Variants in RFX8 observed in about 807,000 individuals in gnomAD.
RFX8 encodes the protein DNA-binding protein RFX8.
Under a neutral mutation model 54.6 loss-of-function variants are expected in RFX8, and 46 were observed. The observed-to-expected ratio is 0.84, with a 90% CI of 0.67 to 1.08. RFX8 has a LOEUF of 1.08. Among genes scored for constraint, RFX8 ranks in the 50% least tolerant of loss-of-function variants. The pLI is 0.00. For missense variants in RFX8, 536 were observed against 562.3 expected, an observed-to-expected ratio of 0.95 and a Z score of 0.47; for synonymous variants, 192 against 209.5, an observed-to-expected ratio of 0.92 and a Z score of 0.72.
In RFX8 at chr2:101,440,107, T is replaced by TA. The variant is rs112330593; in HGVS notation, c.73-17636_73-17635insT. On this transcript the variant is annotated intron_variant, in intron 2 of 11. Transcript: ENST00000428343. ...TCTACAAGAAAATCTTGCTGAGATTTTAAAAAAAAACTCATTGAGAGATAA... is the reference window on the plus strand; with the variant it reads ...TCTACAAGAAAATCTTGCTGAGATTTATAAAAAAAAACTCATTGAGAGATAA... Among the ~76,000 whole-genome samples, 271 of 150,180 alleles carry TA rather than the reference T, an allele frequency of 1.8e-3. 3 individuals carry two copies. Among genetic ancestry groups the TA allele is most frequent in the East Asian group, 0.013 (66 of 5,118 alleles).
chr2:101,430,653 A>T (rs1687433256), intron 2 of RFX8, among the ~76,000 whole-genome samples: 2 of 152,214 alleles, frequency 1.3e-5, no homozygotes, highest in African/African-American at 4.8e-5. Context: ...TCTGTTGCTT[A>T]AGCCACCCAG....
intron 2 of RFX8, among the ~76,000 whole-genome samples, chr2:101,433,116 G>T (rs1029962531): frequency 7.2e-5 from 11 of 152,174 alleles, no homozygotes; most frequent in African/African-American, 2.7e-4. Flanking sequence ...CAGTGGAACC[G>T]GCCTCCTTGT....
intron 9 of RFX8, among the ~76,000 whole-genome samples, chr2:101,406,932 C>T (rs571833750): frequency 6.6e-6 from 1 of 152,324 alleles, no homozygotes; most frequent in South Asian, 2.1e-4. Flanking sequence ...ATCTGACAGC[C>T]TCATTGGCAC....
rs78552366 is a variant in RFX8 at position 101,427,220 on chromosome 2, T to C, written c.73-4748A>G. On this transcript the variant is annotated intron_variant, in intron 2 of 11. Transcript: ENST00000428343. ...TCCACGTCCTAATCCCTGGAACCTA[T>C]GAATATGTTCCCTTGCATGGCAAAG... is the stretch of plus-strand genomic sequence containing the variant. Among the ~76,000 whole-genome samples, 1,298 of 152,242 alleles carry C rather than the reference T, an allele frequency of 8.5e-3. 19 individuals carry two copies. Among genetic ancestry groups the C allele is most frequent in the African/African-American group, 0.029 (1,209 of 41,542 alleles).
At chr2:101,412,864 C>T (rs567337352) in intron 8 of RFX8, 51 bp downstream of exon 8, 1 of 1,515,116 alleles carries the variant, frequency 6.6e-7, no homozygotes, top group Admixed American at 2.3e-5. Flanking sequence ...CATGCTAGCC[C>T]CAAATCTATG....
chr2:101,409,923 A>T (rs1685999639), intron 9 of RFX8, among the ~76,000 whole-genome samples: 1 of 152,132 alleles, frequency 6.6e-6, no homozygotes, highest in Non-Finnish European at 1.5e-5. Context: ...GGATGATGAA[A>T]ATCAAGCCCA....
rs35008880 is a variant in RFX8 at position 101,405,147 on chromosome 2, CT to C, written c.928+795del. Reference sequence around the variant, plus strand: ...GTGGTGAACTTCCCTTCCTATAATCCTTTTTTTTTTTTTCTTGAGGTGAAGT... The same window carrying C: ...GTGGTGAACTTCCCTTCCTATAATCCTTTTTTTTTTTTCTTGAGGTGAAGT... On this transcript the variant is annotated intron_variant, in intron 10 of 11. Transcript: ENST00000428343. 3.5e-3 allele frequency among the ~76,000 whole-genome samples: 499 copies of C among 144,308 alleles called. 2 individuals carry two copies. The highest frequency in any genetic ancestry group is 0.011 in the African/African-American group (419 of 39,238). The allele number at this position is 144,308 out of a possible 152,430, so 94.7% of individuals were successfully genotyped here.
At chr2:101,428,937 C>A in intron 2 of RFX8, 1 of 1,472,290 alleles carries the variant, frequency 6.8e-7, no homozygotes, top group Non-Finnish European at 9.2e-7. Context: ...TATAGTAAAT[C>A]TGTTTGATTA....
intron 2 of RFX8, among the ~76,000 whole-genome samples, chr2:101,423,547 C>T (rs541746780): frequency 2.6e-5 from 4 of 152,330 alleles, no homozygotes; most frequent in South Asian, 2.1e-4. Context: ...AACCCTGCTA[C>T]GCCAGACTGT....
intron 2 of RFX8, among the ~76,000 whole-genome samples, chr2:101,442,586 A>G (rs1168332185): frequency 3.9e-5 from 6 of 151,958 alleles, no homozygotes; most frequent in Admixed American, 1.3e-4. Flanking sequence ...TGGTGGTTTC[A>G]ATGATAAATG....
intron 2 of RFX8, among the ~76,000 whole-genome samples, chr2:101,450,997 T>C (rs1688642708): frequency 6.6e-6 from 1 of 151,802 alleles, no homozygotes; most frequent in Admixed American, 6.6e-5. Flanking sequence ...CCTCAACCAC[T>C]GCCCCCCGAC....
In RFX8 at chr2:101,402,660, C is replaced by T; in HGVS notation, c.1021G>A (p.Gly341Arg). 2 of 1,554,848 alleles carry T rather than the reference C, an allele frequency of 1.3e-6. No individual in the cohort carries two copies. Among genetic ancestry groups the T allele is most frequent in the Non-Finnish European group, 1.7e-6 (2 of 1,148,452 alleles). Residue 341 changes from glycine to arginine, a missense_variant, in exon 11 of 12, where the codon GGG becomes AGG. Gly to Arg is a moderately radical substitution (Grantham distance 125). Coordinates refer to ENST00000428343, the MANE Select transcript of RFX8 (RefSeq NM_001145664.2). ...LEEEEEEEDM[G>R]TVKEMLPDDP... ...TCTGGTAGCATTTCCTTGACAGTCC[C>T]CATGTCCTCCTCCTCCTCTTCCTCC...
At chr2:101,423,259 CA>C (rs10686930) in intron 2 of RFX8, among the ~76,000 whole-genome samples, 1,592 of 96,966 alleles carry the variant, frequency 0.016, 14 homozygotes, top group Non-Finnish European at 0.02. Context: ...AACTCCATCT[CA>C]AAAAAAAAAA....
intron 1 of RFX8, among the ~76,000 whole-genome samples, chr2:101,470,200 T>C (rs925814154): frequency 6.6e-6 from 1 of 151,790 alleles, no homozygotes; most frequent in Non-Finnish European, 1.5e-5. Context: ...CACCTGAGAG[T>C]TTTTGTGATC....
chr2:101,420,552 C>A (rs928076163), intron 4 of RFX8, among the ~76,000 whole-genome samples: 9 of 150,030 alleles, frequency 6.0e-5, no homozygotes, highest in South Asian at 4.2e-4. Context: ...CACACACACA[C>A]ACAAAAAAGA....
intron 4 of RFX8, among the ~76,000 whole-genome samples, chr2:101,420,566 C>G (rs1686809677): frequency 6.6e-6 from 1 of 151,946 alleles, no homozygotes; most frequent in Non-Finnish European, 1.5e-5. Context: ...AAAAAGAAAA[C>G]AAAAGAAAAG....
Position 101,469,049 on chromosome 2 carries a change from T to G in RFX8, c.-52-2149A>C. On this transcript the variant is annotated intron_variant, in intron 1 of 11. Coordinates refer to ENST00000428343, the MANE Select transcript of RFX8 (RefSeq NM_001145664.2). ...ATATATACGTATATATATGTATATA[T>G]ATATACGTATATATATGTATATATA... 7.6e-5 allele frequency among the ~76,000 whole-genome samples: 3 copies of G among 39,366 alleles called. No homozygotes were observed. The East Asian group carries it at 1.5e-3, about 20-fold the overall frequency. 25.8% of individuals were successfully genotyped at this position (39,366 alleles called of 152,430 possible).
At chr2:101,422,581 T>C (rs1468286858) in intron 2 of RFX8, 109 bp from the exon 3 acceptor site, 6 of 677,882 alleles carry the variant, frequency 8.9e-6, no homozygotes, top group Non-Finnish European at 1.6e-5. Context: ...GTATAACCTT[T>C]TAGCCACACC....
chr2:101,405,278 C>T (rs1186833490), intron 10 of RFX8, among the ~76,000 whole-genome samples: 1 of 151,938 alleles, frequency 6.6e-6, no homozygotes, highest in East Asian at 1.9e-4. Flanking sequence ...TCCTGAGTTG[C>T]TGGGATTACA....
Sources: allele counts gnomAD v4.1 joint callset (sites outside exome capture counted in the v4.1 genomes callset), GRCh38; gene constraint gnomAD v4.1.1; transcripts MANE v1.5; gene names NCBI Gene and HGNC (gene_info 2026-07-23, HGNC 2026-07-21).